Variants in POLR2B observed in about 807,000 individuals in gnomAD.
POLR2B encodes the protein RNA polymerase II subunit B.
Under a neutral mutation model 144.6 loss-of-function variants are expected in POLR2B, and 57 were observed. The ratio of observed to expected loss-of-function variants is 0.39; its 90% CI spans 0.32 to 0.49. POLR2B has a LOEUF of 0.49. Ranked by LOEUF, POLR2B falls within the 20% of genes least tolerant of loss-of-function variation. POLR2B has a pLI of 0.83. For synonymous variants in POLR2B, 442 were observed against 469.8 expected (o/e 0.94, Z 0.77); for missense variants, 595 against 1,467.4 (o/e 0.41, Z 9.71).
chr4:57,005,018 A>G (rs1156263794), intron 7 of POLR2B, among the ~76,000 whole-genome samples: 2 of 152,168 alleles, frequency 1.3e-5, no homozygotes, highest in African/African-American at 2.4e-5. Flanking sequence ...AATTATTTGT[A>G]TCTTTCTAGA....
At chr4:56,981,117 A>T (rs1480899049) in intron 1 of POLR2B, among the ~76,000 whole-genome samples, 1 of 152,088 alleles carries the variant, frequency 6.6e-6, no homozygotes, top group Non-Finnish European at 1.5e-5. Context: ...CAGTTTCCTT[A>T]TGCATATTTA....
intron 1 of POLR2B, 93 bp downstream of exon 1, chr4:56,979,097 G>A (rs1390870430): frequency 6.1e-6 from 8 of 1,303,084 alleles, no homozygotes; most frequent in Non-Finnish European, 7.8e-6. Context: ...GCCTTCCCAT[G>A]CGCCGGCTGC....
chr4:56,981,253 C>T lies in POLR2B; in HGVS notation c.19+2249C>T, dbSNP rs201591745. ...CAGTACACAGAAAGCATCGCGCCCCCCCTCCCGTGTCCCCACCCCCAGTTA... is the reference window on the plus strand; with the variant it reads ...CAGTACACAGAAAGCATCGCGCCCCTCCTCCCGTGTCCCCACCCCCAGTTA... On this transcript the variant is annotated intron_variant, in intron 1 of 24. Transcript: ENST00000314595. 1.6e-4 allele frequency among the ~76,000 whole-genome samples: 25 copies of T among 152,028 alleles called. No individual in the cohort carries two copies. In the East Asian group the frequency reaches 2.1e-3, roughly 13 times the overall value.
chr4:56,985,609 C>T (rs979418530), intron 1 of POLR2B, among the ~76,000 whole-genome samples: 1 of 152,162 alleles, frequency 6.6e-6, no homozygotes, highest in African/African-American at 2.4e-5. Context: ...GCCATATTGG[C>T]CTGGCTGGTC....
intron 9 of POLR2B, among the ~76,000 whole-genome samples, 184 bp from the exon 10 acceptor site, chr4:57,006,632 C>T (rs904798851): frequency 1.3e-5 from 2 of 152,092 alleles, no homozygotes; most frequent in Non-Finnish European, 2.9e-5. Flanking sequence ...TAGTTGCTCC[C>T]CTGCCATGTA....
intron 3 of POLR2B, among the ~76,000 whole-genome samples, chr4:56,991,734 G>C (rs1478069608): frequency 6.6e-6 from 1 of 152,192 alleles, no homozygotes; most frequent in Non-Finnish European, 1.5e-5. Flanking sequence ...GGCTGTGCTG[G>C]AAAGGGGGAC....
chr4:57,016,465 C>T (rs548215518), intron 14 of POLR2B, among the ~76,000 whole-genome samples: 6 of 151,570 alleles, frequency 4.0e-5, no homozygotes, highest in African/African-American at 1.5e-4. Context: ...CACTTGAGCC[C>T]AGGAGTAGTG....
intron 6 of POLR2B, among the ~76,000 whole-genome samples, chr4:56,996,694 G>A (rs189460641): frequency 2.0e-5 from 3 of 152,130 alleles, no homozygotes; most frequent in African/African-American, 7.2e-5. Context: ...GTCACCTCAA[G>A]AATGTTTTTC....
chr4:57,008,661 A>G (rs34948796), intron 10 of POLR2B, among the ~76,000 whole-genome samples: 28,483 of 152,234 alleles, frequency 0.19, 3,398 homozygotes, highest in Middle Eastern at 0.34. Flanking sequence ...AGAGATGTGC[A>G]CTGCTGCTCT....
chr4:57,028,965 CT>C (rs1453372865), intron 23 of POLR2B, among the ~76,000 whole-genome samples: 3 of 151,970 alleles, frequency 2.0e-5, no homozygotes, highest in Admixed American at 2.0e-4. Flanking sequence ...GCCTTCCAAC[CT>C]TTTTTTTCCC....
At chr4:56,981,434 A>G (rs1722155157) in intron 1 of POLR2B, among the ~76,000 whole-genome samples, 1 of 152,212 alleles carries the variant, frequency 6.6e-6, no homozygotes, top group Non-Finnish European at 1.5e-5. Context: ...TACATATAAA[A>G]TTGTCAGGTC....
chr4:57,027,126 G>A (rs542426822), intron 23 of POLR2B, among the ~76,000 whole-genome samples: 71 of 151,798 alleles, frequency 4.7e-4, no homozygotes, highest in Non-Finnish European at 8.8e-4. Flanking sequence ...CTCGTGCCTC[G>A]GCCTCCCAAG....
At position 56,991,211 on chromosome 4, in the gene POLR2B, C is replaced by G. The variant is rs545217148; in HGVS notation, c.243+313C>G. Among the ~76,000 whole-genome samples, 3 of 152,136 alleles carry G rather than the reference C, an allele frequency of 2.0e-5. 1 individual carries two copies. Among genetic ancestry groups the G allele is most frequent in the African/African-American group, 7.2e-5 (3 of 41,514 alleles). On this transcript the variant is annotated intron_variant, in intron 3 of 24. Transcript: ENST00000314595. ...TAGATAACCCCGCTTTTTTCTCTCA[C>G]AGTGTAAAAATAATAAAAAATGTTT...
intron 23 of POLR2B, among the ~76,000 whole-genome samples, chr4:57,028,253 A>G (rs564773191): frequency 6.6e-6 from 1 of 152,320 alleles, no homozygotes; most frequent in Non-Finnish European, 1.5e-5. Context: ...CAAGACAGTC[A>G]TCTTCACTAT....
chr4:57,013,618 G>A (rs1036404372), intron 13 of POLR2B, among the ~76,000 whole-genome samples: 8 of 151,390 alleles, frequency 5.3e-5, no homozygotes, highest in Non-Finnish European at 1.0e-4. Context: ...GTTCACTGCA[G>A]CCTCTACCTC....
chr4:57,002,931 C>T (rs1457656981), intron 7 of POLR2B: 1 of 152,166 alleles, frequency 6.6e-6, no homozygotes, highest in Non-Finnish European at 1.5e-5. Context: ...AGGGCACTTA[C>T]AGAGGCCAGA....
At chr4:57,022,848 C>A (rs747337392) in intron 18 of POLR2B, among the ~76,000 whole-genome samples, 4 of 152,194 alleles carry the variant, frequency 2.6e-5, no homozygotes, top group Admixed American at 6.5e-5. Flanking sequence ...TGTTACTCCC[C>A]TTCCATTGGG....
At chr4:56,980,038 C>T (rs1336771760) in intron 1 of POLR2B, among the ~76,000 whole-genome samples, 1 of 152,004 alleles carries the variant, frequency 6.6e-6, no homozygotes. Context: ...TCTCTCTATT[C>T]CCTCAGGTAC....
At chr4:56,983,465 C>G (rs1170196963) in intron 1 of POLR2B, among the ~76,000 whole-genome samples, 1 of 149,780 alleles carries the variant, frequency 6.7e-6, no homozygotes, top group East Asian at 2.0e-4. Context: ...CTCTGCCTCC[C>G]AGGTTCAAGT....
Sources: allele counts gnomAD v4.1 joint callset (sites outside exome capture counted in the v4.1 genomes callset), GRCh38; gene constraint gnomAD v4.1.1; transcripts MANE v1.5; gene names NCBI Gene and HGNC (gene_info 2026-07-23, HGNC 2026-07-21).